PIEZO2: variants seen among roughly 807,000 people sequenced by gnomAD.
PIEZO2 encodes the protein piezo type mechanosensitive ion channel component 2.
Under a neutral mutation model 337.3 loss-of-function variants are expected in PIEZO2, and 172 were observed. The ratio of observed to expected loss-of-function variants is 0.51; its 90% confidence interval spans 0.45 to 0.58. The LOEUF (loss-of-function observed/expected upper bound fraction) is 0.58. Ranked by LOEUF, PIEZO2 falls within the 20% of genes least tolerant of loss-of-function variation. PIEZO2 has a pLI of 0.00. For synonymous variants in PIEZO2, 1,251 were observed against 1,228.5 expected, an observed-to-expected ratio of 1.02 and a Z score of -0.38; for missense variants, 3,028 against 3,391.3, an observed-to-expected ratio of 0.89 and a Z score of 2.66.
intron 7 of PIEZO2, among the ~76,000 whole-genome samples, chr18:10,829,812 A>G (rs968806284): frequency 2.0e-5 from 3 of 152,178 alleles, no homozygotes; most frequent in Non-Finnish European, 2.9e-5. Context: ...AAATAAAAAG[A>G]TATTCCATAT....
At chr18:11,114,859 C>A (rs903389569) in intron 1 of PIEZO2, among the ~76,000 whole-genome samples, 1 of 152,010 alleles carries the variant, frequency 6.6e-6, no homozygotes. Context: ...GCTCACTGGC[C>A]GTTTCTGAAT....
At chr18:11,072,593 G>A (rs1037176694) in intron 1 of PIEZO2, among the ~76,000 whole-genome samples, 33 of 152,248 alleles carry the variant, frequency 2.2e-4, no homozygotes, top group African/African-American at 7.7e-4. Flanking sequence ...GACAAGCCCG[G>A]ATCTATGCAT....
At position 10,677,697 on chromosome 18, in the gene PIEZO2, C is replaced by T; in HGVS notation, c.8081+50G>A. 6.4e-7 allele frequency: 1 copy of T among 1,574,726 alleles called. No individual in the cohort carries two copies. Among genetic ancestry groups the T allele is most frequent in the Non-Finnish European group, 8.6e-7 (1 of 1,162,972 alleles). ...GAATCTGTAGATGGACATTTTGTACCAGCTGCATATACCTAACAAAGCTCT... is the reference window on the plus strand; with the variant it reads ...GAATCTGTAGATGGACATTTTGTACTAGCTGCATATACCTAACAAAGCTCT... On this transcript the variant is annotated intron_variant, in intron 53 of 55. Transcript: ENST00000674853. This position sits in a 1 kb window ranked among gnomAD's most constrained non-coding sequence, Gnocchi z 4.1.
intron 2 of PIEZO2, among the ~76,000 whole-genome samples, chr18:11,052,076 T>C (rs1311244457): frequency 6.6e-6 from 1 of 151,684 alleles, no homozygotes; most frequent in South Asian, 2.1e-4. Context: ...TCCAGTTAGC[T>C]TCATAATTTT....
rs1279549986 is a variant in PIEZO2, at chr18:10,815,329, A to C, written c.918-8055T>G. Among the ~76,000 whole-genome samples the C allele has an allele frequency of 6.6e-6, 1 of 152,186 alleles. No individual in the cohort carries two copies. The highest frequency in any genetic ancestry group is 2.4e-5 in the African/African-American group (1 of 41,438). ...GAATGGTGATCCAGACATGGATTCG[A>C]GCCCTGCCTGAATGATTACCTACGT... On this transcript the variant is annotated intron_variant, in intron 7 of 55. Coordinates refer to ENST00000674853, the MANE Select transcript of PIEZO2 (RefSeq NM_001378183.1). The surrounding 1 kb of genome is among the most constrained non-coding windows in gnomAD (Gnocchi z 4.1).
At position 10,833,782 on chromosome 18, in the gene PIEZO2, T is replaced by C. The variant is rs1416378973; in HGVS notation, c.917+21571A>G. Among the ~76,000 whole-genome samples, 2 of 152,220 alleles carry C rather than the reference T, an allele frequency of 1.3e-5. No homozygotes were observed. The highest frequency in any genetic ancestry group is 2.9e-5 in the Non-Finnish European group (2 of 68,038). On this transcript the variant is annotated intron_variant, in intron 7 of 55. Transcript: ENST00000674853. The surrounding 1 kb of genome is among the most constrained non-coding windows in gnomAD (Gnocchi z 4.7). ...CCAGTTTGGAGCCTCAAGACTTGCCTACAAAAATGCATCTGCAAATCCTTT... is the reference window on the plus strand; with the variant it reads ...CCAGTTTGGAGCCTCAAGACTTGCCCACAAAAATGCATCTGCAAATCCTTT...
chr18:10,773,499 G>T lies in PIEZO2; in HGVS notation c.2698C>A (p.Gln900Lys), dbSNP rs1251364710. 2 of 1,537,434 alleles carry T rather than the reference G, an allele frequency of 1.3e-6. No homozygotes were observed. The highest frequency in any genetic ancestry group is 3.9e-5 in the Admixed American group (2 of 50,988). Residue 900 changes from glutamine (Q) to lysine (K), a missense_variant, in exon 20 of 56, where the codon CAG becomes AAG. Physicochemically the swap from Gln to Lys is moderately conservative, Grantham distance 53. This residue lies in a region of PIEZO2 where 1,925 missense variants were observed against 2,051.9 expected (regional missense o/e 0.94). Transcript: ENST00000674853. The surrounding 1 kb of genome is among the most constrained non-coding windows in gnomAD (Gnocchi z 5.3). ...CTGTCTTTCCCAAGATCACCCTTCT[G>T]GGCTTTTTCAGAGTAGCCCTCAAGC... ...EKLEGYSEKA[Q>K]KGDLGKDSEE...
chr18:10,724,957 C>T lies in PIEZO2; in HGVS notation c.5029+6450G>A, dbSNP rs977905429. 6 of 1,586,016 alleles carry T rather than the reference C, an allele frequency of 3.8e-6. No individual in the cohort carries two copies. Among genetic ancestry groups the T allele is most frequent in the East Asian group, 2.2e-5 (1 of 44,740 alleles). On this transcript the variant is annotated intron_variant, in intron 36 of 55. Coordinates refer to ENST00000674853, the MANE Select transcript of PIEZO2 (RefSeq NM_001378183.1). This position sits in a 1 kb window ranked among gnomAD's most constrained non-coding sequence, Gnocchi z 5.8. Reference sequence around the variant, plus strand: ...ATGGAACCCAGGTGGGCGCACCCTGCGGCCTGCAGCCTCCCTGCCTCACAT... The same window carrying T: ...ATGGAACCCAGGTGGGCGCACCCTGTGGCCTGCAGCCTCCCTGCCTCACAT...
intron 3 of PIEZO2, among the ~76,000 whole-genome samples, chr18:10,924,163 C>A (rs1231494893): frequency 6.6e-6 from 1 of 152,262 alleles, no homozygotes; most frequent in Non-Finnish European, 1.5e-5. Flanking sequence ...ACCCTTGCAA[C>A]ATACACACTC....
chr18:10,797,533 G>A lies in PIEZO2; in HGVS notation c.1379-11C>T, dbSNP rs1003837545. 13 of 1,535,470 alleles carry A rather than the reference G, an allele frequency of 8.5e-6. No individual in the cohort carries two copies. In the African/African-American group the frequency reaches 1.1e-4, roughly 13 times the overall value. ...CCTCCTCTCGCTTTTCTAGATGGAC[G>A]AATACTTTATTTAACTATTTATGCA... On this transcript the variant is annotated splice_polypyrimidine_tract_variant and intron_variant, in intron 11 of 55. Transcript: ENST00000674853.
chr18:10,864,408 C>T (rs142293727), intron 5 of PIEZO2, among the ~76,000 whole-genome samples: 1 of 152,162 alleles, frequency 6.6e-6, no homozygotes, highest in East Asian at 1.9e-4. Context: ...ATATAAGGTC[C>T]TAAGGACATT....
At chr18:11,060,491 A>C (rs1015865555) in intron 2 of PIEZO2, among the ~76,000 whole-genome samples, 1 of 152,206 alleles carries the variant, frequency 6.6e-6, no homozygotes. Context: ...AAAGATCAAC[A>C]AAATTGATAG....
chr18:10,743,326 G>A (rs532113701), intron 31 of PIEZO2, among the ~76,000 whole-genome samples: 10 of 152,210 alleles, frequency 6.6e-5, no homozygotes, highest in African/African-American at 9.6e-5. Flanking sequence ...TTTCCCAGGG[G>A]GCAAATGGTG....
chr18:10,704,538 C>T lies in PIEZO2; in HGVS notation c.6114G>A (p.Val2038=). Reference sequence around the variant, plus strand: ...GGTTGAGGATGATCACGAAGTAGCACACCATCTCCGAGCGGGCCACCAGGG... The same window carrying T: ...GGTTGAGGATGATCACGAAGTAGCATACCATCTCCGAGCGGGCCACCAGGG... ...YNTLVARSEM[V]CYFVIILNHM... Residue 2038 remains valine, a synonymous_variant, in exon 42 of 56, where the codon GTG becomes GTA. Coordinates refer to ENST00000674853, the MANE Select transcript of PIEZO2 (RefSeq NM_001378183.1). 4 of 1,537,262 alleles carry T rather than the reference C, an allele frequency of 2.6e-6. No homozygotes were observed. The highest frequency in any genetic ancestry group is 2.6e-6 in the Non-Finnish European group (3 of 1,146,922).
chr18:10,855,989 TA>T lies in PIEZO2; in HGVS notation c.704-424del, dbSNP rs58255395. Among the ~76,000 whole-genome samples the T allele has an allele frequency of 0.07, 10,631 of 151,270 alleles. 660 individuals are homozygous for T. The highest frequency in any genetic ancestry group is 0.16 in the African/African-American group (6,763 of 41,174). ...ATAATAATTTACTACTTTTTTTTTT[TA>T]AGTTAACTAGTACATCCTGGCCAAT... On this transcript the variant is annotated intron_variant, in intron 6 of 55. Coordinates refer to ENST00000674853, the MANE Select transcript of PIEZO2 (RefSeq NM_001378183.1). The surrounding 1 kb of genome is among the most constrained non-coding windows in gnomAD (Gnocchi z 4.9).
At chr18:10,790,296 A>G (rs7228999) in intron 14 of PIEZO2, among the ~76,000 whole-genome samples, 128,178 of 152,208 alleles carry the variant, frequency 0.84, 54,042 homozygotes, top group East Asian at 0.93. Context: ...GCCTGTATTC[A>G]TTCTTATGGT....
chr18:10,868,651 T>A (rs1007042426), intron 5 of PIEZO2, among the ~76,000 whole-genome samples: 4 of 152,240 alleles, frequency 2.6e-5, no homozygotes, highest in Non-Finnish European at 5.9e-5. Flanking sequence ...TTAAATAATG[T>A]GATTAATAAT....
chr18:10,901,168 G>A (rs1185924112), intron 4 of PIEZO2, among the ~76,000 whole-genome samples: 1 of 152,188 alleles, frequency 6.6e-6, no homozygotes, highest in African/African-American at 2.4e-5. Context: ...CATCCCATCT[G>A]ATTCTCTGGT....
At chr18:10,989,322 G>GA (rs1171277299) in intron 2 of PIEZO2, among the ~76,000 whole-genome samples, 1 of 151,704 alleles carries the variant, frequency 6.6e-6, no homozygotes, top group East Asian at 1.9e-4. Flanking sequence ...AATACATATA[G>GA]AAAAAAATAA....
Sources: allele counts gnomAD v4.1 joint callset (sites outside exome capture counted in the v4.1 genomes callset), GRCh38; gene constraint gnomAD v4.1.1; regional missense constraint gnomAD v4.1.1; non-coding constraint Gnocchi (gnomAD v3.1); transcripts MANE v1.5; gene names NCBI Gene and HGNC (gene_info 2026-07-23, HGNC 2026-07-21).